SIPA1L3: variants seen among roughly 807,000 people sequenced by gnomAD.
SIPA1L3 encodes the protein signal induced proliferation associated 1 like 3.
SIPA1L3 carries 59 observed loss-of-function variants against 150.1 expected under a neutral mutation model. The observed-to-expected ratio is 0.39, with a 90% CI of 0.32 to 0.49. SIPA1L3 has a LOEUF of 0.49. Ranked by LOEUF, SIPA1L3 falls within the 20% of genes least tolerant of loss-of-function variation. SIPA1L3 has a pLI of 0.86. For synonymous variants in SIPA1L3, 1,070 were observed against 1,077.6 expected (o/e 0.99, Z 0.14); for missense variants, 2,211 against 2,489.5 (o/e 0.89, Z 2.38).
At chr19:38,098,954 T>C (rs1463795785) in intron 4 of SIPA1L3, among the ~76,000 whole-genome samples, 1 of 152,152 alleles carries the variant, frequency 6.6e-6, no homozygotes, top group Non-Finnish European at 1.5e-5. Context: ...TCTTGTCTTG[T>C]CTTGTCCTTT....
chr19:37,910,275 T>G (rs1190090616), intron 1 of SIPA1L3, among the ~76,000 whole-genome samples: 1 of 152,162 alleles, frequency 6.6e-6, no homozygotes, highest in East Asian at 1.9e-4. Context: ...GCTATTAGAA[T>G]GAGAGGCTAT....
intron 10 of SIPA1L3, among the ~76,000 whole-genome samples, chr19:38,132,604 A>G (rs1971339275): frequency 6.6e-6 from 1 of 151,532 alleles, no homozygotes; most frequent in African/African-American, 2.4e-5. Context: ...AAAAAAGAAA[A>G]AAAGAATTCT....
intron 9 of SIPA1L3, among the ~76,000 whole-genome samples, chr19:38,130,046 G>A (rs10414916): frequency 0.026 from 3,924 of 152,258 alleles, 160 homozygotes; most frequent in African/African-American, 0.089. Flanking sequence ...CAGCCTGGGC[G>A]ACAGAGCAAG....
intron 13 of SIPA1L3, among the ~76,000 whole-genome samples, chr19:38,158,335 G>A (rs952044425): frequency 1.3e-5 from 2 of 152,240 alleles, no homozygotes; most frequent in Non-Finnish European, 2.9e-5. Flanking sequence ...TTGGAATAAT[G>A]CAAAGAAGTC....
rs562794434 is a variant in SIPA1L3 at position 38,171,517 on chromosome 19, C to T, written c.4208+6611C>T. On this transcript the variant is annotated intron_variant, in intron 15 of 21. Coordinates refer to ENST00000222345, the MANE Select transcript of SIPA1L3 (RefSeq NM_015073.3). ...AAGCGATTCTCCTGCCTCAGCCTCC[C>T]GAGTAGCTGGGATTACAGGCACCTG... Among the ~76,000 whole-genome samples, 954 of 151,648 alleles carry T rather than the reference C, an allele frequency of 6.3e-3. 5 individuals are homozygous for T. Among genetic ancestry groups the T allele is most frequent in the Non-Finnish European group, 0.011 (720 of 67,906 alleles).
rs34881450 is a variant in SIPA1L3, at chr19:37,937,741, C to CAAAAAAA, written c.-379+30400_-379+30406dup. Among the ~76,000 whole-genome samples the CAAAAAAA allele has an allele frequency of 8.6e-3, 160 of 18,664 alleles. 35 individuals are homozygous for CAAAAAAA. Among genetic ancestry groups the CAAAAAAA allele is most frequent in the African/African-American group, 0.014 (57 of 4,008 alleles). The allele number at this position is 18,664 out of a possible 152,430, so 12.2% of individuals were successfully genotyped here. A position where few individuals can be genotyped will look rare whatever the true frequency, so the allele number is the denominator to read the frequency against. On this transcript the variant is annotated intron_variant, in intron 1 of 21. Transcript: ENST00000222345. ...AGGGCGACAGAGTGAAACCCTGTCTCAAAAAAAAAAAAAAAAAAAAAAAGA... is the reference window on the plus strand; with the variant it reads ...AGGGCGACAGAGTGAAACCCTGTCTCAAAAAAAAAAAAAAAAAAAAAAAAAAAAAAGA...
At chr19:37,907,922 CAG>C (rs1162430490) in intron 1 of SIPA1L3, 1 of 152,152 alleles carries the variant, frequency 6.6e-6, no homozygotes, top group Admixed American at 6.5e-5. Flanking sequence ...GTTTGGAAGG[CAG>C]AGAGACCCCA....
intron 1 of SIPA1L3, among the ~76,000 whole-genome samples, chr19:37,983,274 C>G (rs932578046): frequency 2.0e-5 from 3 of 152,212 alleles, no homozygotes; most frequent in Admixed American, 6.5e-5. Context: ...ACCCTGGAGC[C>G]ACGTGCTGGG....
At chr19:37,974,397 C>T (rs1404790710) in intron 1 of SIPA1L3, among the ~76,000 whole-genome samples, 1 of 151,918 alleles carries the variant, frequency 6.6e-6, no homozygotes, top group Non-Finnish European at 1.5e-5. Flanking sequence ...CCTATAGTCC[C>T]AGCTACTCAG....
chr19:37,910,000 T>G (rs1162398251), intron 1 of SIPA1L3, among the ~76,000 whole-genome samples: 1 of 147,432 alleles, frequency 6.8e-6, no homozygotes, highest in Admixed American at 6.8e-5. Context: ...AAGCAGCACG[T>G]GGCTTTTTAG....
intron 15 of SIPA1L3, among the ~76,000 whole-genome samples, chr19:38,174,615 C>T (rs1391144813): frequency 2.0e-5 from 3 of 152,150 alleles, no homozygotes; most frequent in Middle Eastern, 3.4e-3. Flanking sequence ...TTTGGGAGGC[C>T]GAGGCGGGCG....
At chr19:37,973,608 T>A (rs866935938) in intron 1 of SIPA1L3, among the ~76,000 whole-genome samples, 4 of 137,460 alleles carry the variant, frequency 2.9e-5, no homozygotes, top group Non-Finnish European at 6.1e-5. Flanking sequence ...ACTCTGAGAG[T>A]GCTGCTCGCA....
chr19:38,149,830 T>C (rs142517800), intron 12 of SIPA1L3, among the ~76,000 whole-genome samples: 235 of 152,348 alleles, frequency 1.5e-3, no homozygotes, highest in African/African-American at 5.1e-3. Flanking sequence ...CTGCCCCAGA[T>C]ACAGTTGGGA....
intron 1 of SIPA1L3, among the ~76,000 whole-genome samples, chr19:37,955,646 GGC>G (rs1479364924): frequency 6.6e-6 from 1 of 152,134 alleles, no homozygotes; most frequent in Non-Finnish European, 1.5e-5. Flanking sequence ...TTCTGTACCA[GGC>G]TTCCGTCACT....
At position 38,067,218 on chromosome 19, in the gene SIPA1L3, G is replaced by C. The variant is rs529241907; in HGVS notation, c.-310-14038G>C. On this transcript the variant is annotated intron_variant, in intron 2 of 21. Coordinates refer to ENST00000222345, the MANE Select transcript of SIPA1L3 (RefSeq NM_015073.3). Reference sequence around the variant, plus strand: ...CACACCACTGCACTCCAGACCAGGCGACAGAGTAATTTAAAATTTTGATGC... The same window carrying C: ...CACACCACTGCACTCCAGACCAGGCCACAGAGTAATTTAAAATTTTGATGC... 2.4e-4 allele frequency among the ~76,000 whole-genome samples: 36 copies of C among 152,236 alleles called. 1 individual carries two copies. The South Asian group carries it at 5.8e-3, about 25-fold the overall frequency.
chr19:38,180,282 C>T (rs1427583872), intron 15 of SIPA1L3, among the ~76,000 whole-genome samples: 6 of 152,086 alleles, frequency 3.9e-5, no homozygotes, highest in African/African-American at 1.4e-4. Flanking sequence ...TTAAAAGTTA[C>T]ATTTTATTTC....
At chr19:38,052,642 G>A (rs1370542210) in intron 2 of SIPA1L3, among the ~76,000 whole-genome samples, 1 of 152,256 alleles carries the variant, frequency 6.6e-6, no homozygotes, top group East Asian at 1.9e-4. Flanking sequence ...GAAAGCCAGA[G>A]GGTCTAATGG....
At chr19:38,005,946 G>T (rs980313663) in intron 1 of SIPA1L3, among the ~76,000 whole-genome samples, 68 of 152,204 alleles carry the variant, frequency 4.5e-4, no homozygotes, top group African/African-American at 1.6e-3. Flanking sequence ...TACTTGGGAG[G>T]CTGAGGGGGG....
chr19:38,119,268 CT>C, intron 8 of SIPA1L3, 37 bp from the exon 9 acceptor site: 3 of 1,559,976 alleles, frequency 1.9e-6, no homozygotes, highest in Non-Finnish European at 2.6e-6. Context: ...GTCTTAGTGC[CT>C]TTCTTCCCAC....
Sources: gnomAD v4.1 joint callset for allele counts (sites outside exome capture counted in the v4.1 genomes callset) on GRCh38, gnomAD v4.1.1 for gene constraint, MANE v1.5 for transcripts, NCBI Gene and HGNC (gene_info 2026-07-23, HGNC 2026-07-21) for gene names.